Variants in GGA3 observed in about 807,000 individuals in gnomAD.
GGA3 encodes the protein ADP-ribosylation factor-binding protein GGA3.
GGA3 carries 57 observed loss-of-function variants against 77.5 expected under a neutral mutation model. The observed-to-expected ratio is 0.74, with a 90% confidence interval of 0.59 to 0.92. The LOEUF is 0.92. GGA3 is among the 40% of genes least tolerant of loss of function. The probability of loss-of-function intolerance (pLI) is 0.00; values close to 1 mark genes in which losing one functional copy is unlikely to be tolerated. For missense variants in GGA3, 970 were observed against 914.9 expected (o/e 1.06, Z -0.78); for synonymous variants, 416 against 383.7 (o/e 1.08, Z -0.98).
At chr17:75,262,289 A>T (rs779742131), upstream of GGA3, 1 of 667,396 alleles carries the variant, frequency 1.5e-6, no homozygotes. Context: ...TACCGTTAGC[A>T]CTTGACCAGG....
chr17:75,248,821 CAA>C (rs58068036), intron 1 of GGA3: 15 of 854,250 alleles, frequency 1.8e-5, no homozygotes, highest in African/African-American at 4.9e-5. Context: ...AAAAACAAAA[CAA>C]AAAAAAAAAA....
rs1029019742 is a variant in GGA3 at position 75,240,015 on chromosome 17, A to G, written c.1357T>C (p.Ser453Pro). The G allele has an allele frequency of 4.5e-6, 7 of 1,551,946 alleles. No individual in the cohort carries two copies. The Admixed American group carries it at 1.2e-4, about 26-fold the overall frequency. ...AGTGGAGCTTGGGAGCTGCTTGAGGAGGGGGCTGAGGGCTGGAGCAGAGGA... is the reference window on the plus strand; with the variant it reads ...AGTGGAGCTTGGGAGCTGCTTGAGGGGGGGGCTGAGGGCTGGAGCAGAGGA... ...DAPLLQPSAP[S>P]SSSSQAPLPP... Residue 453 changes from serine (S) to proline (P), a missense_variant, in exon 13 of 17, where the codon TCC becomes CCC. Transcript: ENST00000537686.
intron 1 of GGA3, among the ~76,000 whole-genome samples, chr17:75,247,587 G>T (rs2076803578): frequency 6.6e-6 from 1 of 152,134 alleles, no homozygotes; most frequent in African/African-American, 2.4e-5. Flanking sequence ...CCTGTCAAAA[G>T]GTTTTTCCAG....
Position 75,241,597 on chromosome 17 carries a change from C to A in GGA3, c.829+18G>T, listed in dbSNP as rs181126076. ...TCCAAATGCCTGGCTTATCCCTGAC[C>A]GTCGCTCTTTCACTCACCCAAACTG... is the stretch of plus-strand genomic sequence containing the variant. On this transcript the variant is annotated intron_variant, in intron 9 of 16. Coordinates refer to ENST00000537686, the MANE Select transcript of GGA3 (RefSeq NM_138619.4). 15 of 1,612,012 alleles carry A rather than the reference C, an allele frequency of 9.3e-6. No individual in the cohort carries two copies. In the South Asian group the frequency reaches 1.4e-4, roughly 15 times the overall value.
Position 75,240,106 on chromosome 17 carries a change from C to A in GGA3, c.1266G>T (p.Arg422Ser). 1 of 1,543,052 alleles carries A rather than the reference C, an allele frequency of 6.5e-7. No individual in the cohort carries two copies. The change falls in exon 13 of 17, where the codon AGG becomes AGT. Residue 422 changes from arginine (R) to serine (S), a missense_variant and splice_region_variant. By Grantham distance (110) the Arg-to-Ser change is moderately radical. Coordinates refer to ENST00000537686, the MANE Select transcript of GGA3 (RefSeq NM_138619.4). ...TGAAGAAGTCCAGGTCGGACTGTTC[C>A]CTCTATGAACAACAGAAAGGGTGGT... is the stretch of plus-strand genomic sequence containing the variant. ...AGNSQWHLLQREQSDLDFFSP... is the reference protein window; with the variant it reads ...AGNSQWHLLQSEQSDLDFFSP...
At chr17:75,261,205 C>T (rs573491543) in intron 1 of GGA3, among the ~76,000 whole-genome samples, 2 of 152,338 alleles carry the variant, frequency 1.3e-5, no homozygotes, top group East Asian at 1.9e-4. Context: ...GTGTCACCGC[C>T]GGGCGGCGAC....
Position 75,246,738 on chromosome 17 carries a change from A to C in GGA3, c.99T>G (p.Cys33Trp). The change falls in exon 2 of 17, where the codon TGT (cysteine) becomes TGG (tryptophan). Residue 33 changes from cysteine (C) to tryptophan (W), a missense_variant. Transcript: ENST00000537686. ...QEDWEYIIGF[C>W]DQINKELEGP... is the part of the protein sequence containing the mutation. ...CTTCCAGCTCCTTGTTGATCTGATC[A>C]CAGAAGCCAATTATGTATTCCCAGT... 6.2e-7 allele frequency: 1 copy of C among 1,613,960 alleles called. No individual in the cohort carries two copies. Among genetic ancestry groups the C allele is most frequent in the Non-Finnish European group, 8.5e-7 (1 of 1,179,914 alleles).
chr17:75,261,323 C>A (rs2077364364), intron 1 of GGA3, among the ~76,000 whole-genome samples: 1 of 152,256 alleles, frequency 6.6e-6, no homozygotes, highest in South Asian at 2.1e-4. Flanking sequence ...CACGCCGCCG[C>A]GCGCCAGAGC....
intron 1 of GGA3, among the ~76,000 whole-genome samples, chr17:75,249,388 G>T (rs1310270139): frequency 2.6e-5 from 4 of 152,192 alleles, no homozygotes; most frequent in Non-Finnish European, 4.4e-5. Context: ...CTTCAATCTT[G>T]AAAGAGAATT....
At chr17:75,252,908 A>C (rs1175153159) in intron 1 of GGA3, among the ~76,000 whole-genome samples, 1 of 152,176 alleles carries the variant, frequency 6.6e-6, no homozygotes, top group Non-Finnish European at 1.5e-5. Context: ...CGCCTATCCC[A>C]AAACCTATAA....
At position 75,238,061 on chromosome 17, in the gene GGA3, TC is replaced by T; in HGVS notation, c.*217del. ...GCACCCCTGACAGCATATGGCCACT[TC>T]AAGTCACACAGGTAGATAAAAACAG... On this transcript the variant is annotated 3_prime_UTR_variant, in exon 17 of 17. Transcript: ENST00000537686. The T allele has an allele frequency of 1.5e-6, 2 of 1,365,220 alleles. No homozygotes were observed. The highest frequency in any genetic ancestry group is 2.8e-5 in the East Asian group (1 of 35,458). The allele number at this position is 1,365,220 out of a possible 1,614,324, so 84.6% of individuals were successfully genotyped here.
At chr17:75,245,626 G>C (rs1275281510) in intron 3 of GGA3, among the ~76,000 whole-genome samples, 1 of 152,104 alleles carries the variant, frequency 6.6e-6, no homozygotes, top group African/African-American at 2.4e-5. Flanking sequence ...CCAGGCTCAA[G>C]CCATCCTTCA....
At chr17:75,247,286 G>C (rs2076793796) in intron 1 of GGA3, among the ~76,000 whole-genome samples, 1 of 149,996 alleles carries the variant, frequency 6.7e-6, no homozygotes, top group Non-Finnish European at 1.5e-5. Flanking sequence ...TTTTGACATG[G>C]AGTCTCGCTC....
rs772918627 is a variant in GGA3, at chr17:75,238,416, C to G, written c.2062-27G>C. 29 of 1,596,052 alleles carry G rather than the reference C, an allele frequency of 1.8e-5. No individual in the cohort carries two copies. The East Asian group carries it at 6.3e-4, about 34-fold the overall frequency. ...TGTGACAGAGGGCAGCAAGTGAGAT[C>G]CAGCCCAGGCGGCCCCTTGGCAGGA... On this transcript the variant is annotated intron_variant, in intron 16 of 16. Coordinates refer to ENST00000537686, the MANE Select transcript of GGA3 (RefSeq NM_138619.4).
intron 6 of GGA3, 70 bp downstream of exon 6, chr17:75,242,993 G>T: frequency 6.7e-7 from 1 of 1,492,316 alleles, no homozygotes; most frequent in Non-Finnish European, 9.4e-7. Context: ...CCGCAGCACA[G>T]TGCAAACCAC....
intron 3 of GGA3, 64 bp downstream of exon 3, chr17:75,246,445 C>A: frequency 9.4e-7 from 1 of 1,061,632 alleles, no homozygotes; most frequent in Admixed American, 1.7e-5. Context: ...GCTATGGGGA[C>A]ACGAGGAATG....
chr17:75,247,915 T>C (rs1345682736), intron 1 of GGA3, among the ~76,000 whole-genome samples: 1 of 152,196 alleles, frequency 6.6e-6, no homozygotes, highest in Non-Finnish European at 1.5e-5. Context: ...CTGAGGGTGG[T>C]TACATGGGTT....
intron 5 of GGA3, 28 bp downstream of exon 5, chr17:75,243,419 T>C (rs753866024): frequency 1.2e-6 from 2 of 1,613,520 alleles, no homozygotes; most frequent in African/African-American, 1.3e-5. Flanking sequence ...GAGGGCTGCC[T>C]GGAGGCTGCG....
At chr17:75,256,897 AC>A (rs2077169527) in intron 1 of GGA3, among the ~76,000 whole-genome samples, 1 of 152,028 alleles carries the variant, frequency 6.6e-6, no homozygotes, top group Admixed American at 6.5e-5. Context: ...TGAGAAGGCC[AC>A]CGCAGTCATT....
Sources: allele counts gnomAD v4.1 joint callset (sites outside exome capture counted in the v4.1 genomes callset), GRCh38; gene constraint gnomAD v4.1.1; transcripts MANE v1.5; gene names NCBI Gene and HGNC (gene_info 2026-07-23, HGNC 2026-07-21).